Variants in LRRIQ1 observed in about 807,000 individuals in gnomAD.
The protein encoded by LRRIQ1 is leucine rich repeats and IQ motif containing 1, also known as leucine-rich repeat- and IQ domain-containing protein 1.
In LRRIQ1, 210 loss-of-function variants were observed where a neutral mutation model predicts 211.9. The ratio of observed to expected loss-of-function variants is 0.99; its 90% CI spans 0.89 to 1.11. The LOEUF is 1.11. LRRIQ1 is among the 50% of genes most tolerant of loss of function. The probability of loss-of-function intolerance (pLI) is 0.00; values close to 1 mark genes in which losing one functional copy is unlikely to be tolerated. For synonymous variants in LRRIQ1, 699 were observed against 650.1 expected (o/e 1.08, Z -1.14); for missense variants, 2,136 against 1,939.5 (o/e 1.10, Z -1.90).
intron 24 of LRRIQ1, among the ~76,000 whole-genome samples, chr12:85,174,700 T>TAAAA (rs1565884602): frequency 1.6e-4 from 2 of 12,462 alleles, no homozygotes; most frequent in East Asian, 1.3e-3. Flanking sequence ...AGAGTACAGC[T>TAAAA]CAAAAAAAAA....
intron 19 of LRRIQ1, among the ~76,000 whole-genome samples, chr12:85,138,663 A>G (rs1330316300): frequency 6.6e-6 from 1 of 151,532 alleles, no homozygotes; most frequent in Non-Finnish European, 1.5e-5. Context: ...TGGATGGGAT[A>G]TAAATTAATA....
At chr12:85,128,436 C>CA (rs1888535179) in intron 18 of LRRIQ1, among the ~76,000 whole-genome samples, 1 of 151,924 alleles carries the variant, frequency 6.6e-6, no homozygotes, top group Non-Finnish European at 1.5e-5. Flanking sequence ...TCCATATCTA[C>CA]AAAAAATACA....
At chr12:85,231,908 A>G (rs1894960717) in intron 25 of LRRIQ1, among the ~76,000 whole-genome samples, 1 of 152,208 alleles carries the variant, frequency 6.6e-6, no homozygotes, top group Non-Finnish European at 1.5e-5. Context: ...CATCCAAACC[A>G]TAAGAGAAAG....
chr12:85,089,486 A>T (rs1354341091), intron 11 of LRRIQ1, among the ~76,000 whole-genome samples: 4 of 152,256 alleles, frequency 2.6e-5, no homozygotes, highest in African/African-American at 9.6e-5. Flanking sequence ...GGACAGTGAC[A>T]TCCAGGATGC....
At chr12:85,158,989 G>A (rs780638210) in intron 23 of LRRIQ1, among the ~76,000 whole-genome samples, 4 of 151,536 alleles carry the variant, frequency 2.6e-5, no homozygotes, top group African/African-American at 4.8e-5. Context: ...CTATCTAAAA[G>A]TACTATGTTT....
intron 11 of LRRIQ1, among the ~76,000 whole-genome samples, chr12:85,073,751 G>T (rs976817129): frequency 6.6e-6 from 1 of 152,030 alleles, no homozygotes; most frequent in African/African-American, 2.4e-5. Flanking sequence ...TGTATTTATT[G>T]AGTGTGAGAA....
At chr12:85,245,150 C>A, downstream of LRRIQ1, 1 of 740,138 alleles carries the variant, frequency 1.4e-6, no homozygotes, top group Non-Finnish European at 2.0e-6. Context: ...TTCAATATCT[C>A]CTGCCCCCCA....
chr12:85,163,507 AT>A (rs901631444), intron 24 of LRRIQ1, among the ~76,000 whole-genome samples: 1 of 152,110 alleles, frequency 6.6e-6, no homozygotes, highest in African/African-American at 2.4e-5. Flanking sequence ...CTGCTTGACT[AT>A]TGCTTTCCAA....
At chr12:85,112,103 A>G (rs1417069941) in intron 15 of LRRIQ1, among the ~76,000 whole-genome samples, 1 of 152,004 alleles carries the variant, frequency 6.6e-6, no homozygotes, top group Non-Finnish European at 1.5e-5. Context: ...AATGATTTCT[A>G]AAAACATCTG....
At chr12:85,105,945 C>T (rs7301091) in intron 14 of LRRIQ1, among the ~76,000 whole-genome samples, 8,639 of 151,638 alleles carry the variant, frequency 0.057, 829 homozygotes, top group African/African-American at 0.2. Context: ...TACAGGCATG[C>T]GCCACCATGC....
At chr12:85,171,934 T>C (rs1315648080) in intron 24 of LRRIQ1, among the ~76,000 whole-genome samples, 1 of 152,186 alleles carries the variant, frequency 6.6e-6, no homozygotes, top group Non-Finnish European at 1.5e-5. Context: ...TCTGTAGTAT[T>C]TTGTTATAGC....
intron 24 of LRRIQ1, among the ~76,000 whole-genome samples, chr12:85,221,385 T>TTA (rs2137130457): frequency 6.6e-6 from 1 of 152,114 alleles, no homozygotes; most frequent in East Asian, 1.9e-4. Context: ...CTTAAGGAGA[T>TTA]TATATTGTAT....
intron 24 of LRRIQ1, among the ~76,000 whole-genome samples, chr12:85,185,250 C>G (rs1892171014): frequency 6.6e-6 from 1 of 151,796 alleles, no homozygotes; most frequent in Non-Finnish European, 1.5e-5. Context: ...CAATTCCACA[C>G]TTACAATTTT....
chr12:85,244,411 A>G (rs1895619107), intron 26 of LRRIQ1, among the ~76,000 whole-genome samples: 1 of 151,628 alleles, frequency 6.6e-6, no homozygotes, highest in African/African-American at 2.4e-5. Context: ...AATTTTTGCA[A>G]AAAATAACCC....
intron 26 of LRRIQ1, among the ~76,000 whole-genome samples, chr12:85,233,309 G>A (rs938325357): frequency 6.6e-6 from 1 of 151,838 alleles, no homozygotes; most frequent in African/African-American, 2.4e-5. Flanking sequence ...AGCAGAAGGA[G>A]AATGGTCAAT....
chr12:85,232,846 T>TATATACAGTTGTGATATAA, intron 26 of LRRIQ1, 90 bp downstream of exon 26: 1 of 859,286 alleles, frequency 1.2e-6, no homozygotes. Context: ...AATTAAACTA[T>TATATACAGTTGTGATATAA]GAAAATATCA....
chr12:85,100,398 T>A (rs982131202), intron 13 of LRRIQ1, among the ~76,000 whole-genome samples: 2 of 151,668 alleles, frequency 1.3e-5, no homozygotes, highest in Non-Finnish European at 3.0e-5. Context: ...GAATTAAATA[T>A]TTTTTAGAAC....
chr12:85,051,447 CT>C (rs1333352051), intron 6 of LRRIQ1, among the ~76,000 whole-genome samples: 2 of 152,082 alleles, frequency 1.3e-5, no homozygotes, highest in Non-Finnish European at 2.9e-5. Flanking sequence ...CTAATGTAAA[CT>C]GATGATTTTC....
At chr12:85,055,073 T>A (rs2135977209) in intron 7 of LRRIQ1, among the ~76,000 whole-genome samples, 1 of 152,278 alleles carries the variant, frequency 6.6e-6, no homozygotes, top group South Asian at 2.1e-4. Context: ...ATGTAGGGAC[T>A]ATCTGGCTTT....
Sources: allele counts gnomAD v4.1 joint callset (sites outside exome capture counted in the v4.1 genomes callset), GRCh38; gene constraint gnomAD v4.1.1; transcripts MANE v1.5; gene names NCBI Gene and HGNC (gene_info 2026-07-23, HGNC 2026-07-21).